The following SLC39A9 variants were observed in gnomAD, a reference collection of about 807,000 sequenced individuals.
SLC39A9 encodes the protein solute carrier family 39 member 9.
SLC39A9 carries 14 observed loss-of-function variants against 28.4 expected under a neutral mutation model. The observed-to-expected ratio is 0.49, with a 90% confidence interval of 0.33 to 0.77. SLC39A9 has a LOEUF of 0.77. Among genes scored for constraint, SLC39A9 ranks in the 30% least tolerant of loss-of-function variants. SLC39A9 has a pLI of 0.02. For missense variants in SLC39A9, 283 were observed against 381.1 expected (o/e 0.74, Z 2.14); for synonymous variants, 119 against 149.6 (o/e 0.80, Z 1.49).
chr14:69,443,664 G>A (rs1885151766), intron 3 of SLC39A9, among the ~76,000 whole-genome samples: 1 of 152,174 alleles, frequency 6.6e-6, no homozygotes, highest in Admixed American at 6.5e-5. Flanking sequence ...GAGTTCAGGA[G>A]TTTGAGACCA....
At chr14:69,445,377 T>C (rs1885245892) in intron 3 of SLC39A9, among the ~76,000 whole-genome samples, 1 of 152,238 alleles carries the variant, frequency 6.6e-6, no homozygotes, top group Admixed American at 6.5e-5. Context: ...CCACTTCCAC[T>C]TAATAGTAAA....
intron 3 of SLC39A9, among the ~76,000 whole-genome samples, chr14:69,444,342 A>G (rs1220114464): frequency 1.3e-5 from 2 of 152,192 alleles, no homozygotes; most frequent in African/African-American, 4.8e-5. Context: ...CGACAGAAAA[A>G]TCTGCAGAAA....
At chr14:69,405,420 C>T (rs1882860975) in intron 1 of SLC39A9, among the ~76,000 whole-genome samples, 1 of 152,008 alleles carries the variant, frequency 6.6e-6, no homozygotes, top group African/African-American at 2.4e-5. Flanking sequence ...TATGGTAATA[C>T]AAGAGATTTT....
chr14:69,461,258 C>G lies in SLC39A9; in HGVS notation c.*2665C>G, dbSNP rs1258435856. 3.0e-6 allele frequency: 3 copies of G among 989,988 alleles called. No individual in the cohort carries two copies. The highest frequency in any genetic ancestry group is 3.6e-6 in the Non-Finnish European group (3 of 833,034). The allele number at this position is 989,988 out of a possible 1,614,324, so 61.3% of individuals were successfully genotyped here. ...TTCCTTGGTAGGGATAGACTTTCTT[C>G]AGATTCCAAGTGCTCTCTTAAATGG... On this transcript the variant is annotated 3_prime_UTR_variant, in exon 7 of 7. Transcript: ENST00000336643.
At chr14:69,413,369 A>G (rs113446482) in intron 1 of SLC39A9, among the ~76,000 whole-genome samples, 1 of 151,840 alleles carries the variant, frequency 6.6e-6, no homozygotes, top group East Asian at 1.9e-4. Context: ...AAAAAAAAAA[A>G]TTTTTTTTCA....
chr14:69,423,416 G>A (rs907348635), intron 1 of SLC39A9, among the ~76,000 whole-genome samples: 2 of 152,072 alleles, frequency 1.3e-5, no homozygotes, highest in Non-Finnish European at 2.9e-5. Flanking sequence ...TCTTTCTTAG[G>A]ATGAATTTCT....
At chr14:69,448,524 C>T (rs1050267751) in intron 3 of SLC39A9, among the ~76,000 whole-genome samples, 2 of 151,964 alleles carry the variant, frequency 1.3e-5, no homozygotes, top group Non-Finnish European at 2.9e-5. Context: ...AGGACATACA[C>T]ACAAAAGTTT....
rs917873758 is a variant in SLC39A9, at chr14:69,399,394, C to T, written c.25C>T (p.Leu9=). The change falls in exon 1 of 7, where the codon CTG becomes TTG. Residue 9 remains leucine (L), a synonymous_variant. Transcript: ENST00000336643. MDDFISIS[L]LSLAMLVGCY... ...AATGGATGATTTCATCTCCATTAGC[C>T]TGCTGTCTCTGGCTATGTTGGTGGG... The T allele has an allele frequency of 3.1e-6, 5 of 1,613,976 alleles. No homozygotes were observed. Among genetic ancestry groups the T allele is most frequent in the Non-Finnish European group, 3.4e-6 (4 of 1,180,022 alleles).
chr14:69,399,364 G>A lies in SLC39A9; in HGVS notation c.-6G>A. ...TAGTGGTTGTGGGTGAATAAAGGAG[G>A]GCAGAATGGATGATTTCATCTCCAT... On this transcript the variant is annotated 5_prime_UTR_variant, in exon 1 of 7. Coordinates refer to ENST00000336643, the MANE Select transcript of SLC39A9 (RefSeq NM_018375.5). The A allele has an allele frequency of 1.2e-6, 2 of 1,613,328 alleles. No homozygotes were observed. Among genetic ancestry groups the A allele is most frequent in the Admixed American group, 1.7e-5 (1 of 59,970 alleles).
At chr14:69,439,939 C>T (rs1884960501) in intron 2 of SLC39A9, among the ~76,000 whole-genome samples, 1 of 152,076 alleles carries the variant, frequency 6.6e-6, no homozygotes, top group South Asian at 2.1e-4. Context: ...CCACAAAAGG[C>T]CCTGAAGCCG....
intron 3 of SLC39A9, among the ~76,000 whole-genome samples, chr14:69,448,237 CA>C (rs889854438): frequency 2.2e-4 from 27 of 123,064 alleles, no homozygotes; most frequent in South Asian, 2.6e-4. Context: ...AAAAAAAGCA[CA>C]AAAAAAAATT....
chr14:69,456,360 A>G (rs986001590), intron 6 of SLC39A9, among the ~76,000 whole-genome samples: 2 of 152,222 alleles, frequency 1.3e-5, no homozygotes, highest in African/African-American at 4.8e-5. Flanking sequence ...GCTCACTGAA[A>G]GAAGAGAAGG....
rs117486326 is a variant in SLC39A9 at position 69,447,773 on chromosome 14, C to T, written c.404-5468C>T. ...CAAAAAAATACAAAAATTAGCTGGT[C>T]GTGGTGACCTGCGCTTGTACTCCCA... On this transcript the variant is annotated intron_variant, in intron 3 of 6. Transcript: ENST00000336643. Among the ~76,000 whole-genome samples, 50 of 151,894 alleles carry T rather than the reference C, an allele frequency of 3.3e-4. No individual in the cohort carries two copies. In the East Asian group the frequency reaches 8.8e-3, roughly 27 times the overall value.
At chr14:69,413,418 T>C (rs1384412445) in intron 1 of SLC39A9, among the ~76,000 whole-genome samples, 1 of 152,148 alleles carries the variant, frequency 6.6e-6, no homozygotes, top group Non-Finnish European at 1.5e-5. Flanking sequence ...AATTTTGCCA[T>C]GTAAGGACAC....
At chr14:69,415,684 A>G (rs1162653480) in intron 1 of SLC39A9, among the ~76,000 whole-genome samples, 3 of 152,108 alleles carry the variant, frequency 2.0e-5, no homozygotes, top group African/African-American at 7.2e-5. Flanking sequence ...TATGGCAAGT[A>G]TTAATTGGTG....
chr14:69,399,613 A>G (rs1882507532), intron 1 of SLC39A9, 148 bp downstream of exon 1: 3 of 628,348 alleles, frequency 4.8e-6, no homozygotes, highest in Non-Finnish European at 8.4e-6. Context: ...CATGACACTT[A>G]ATAATAGAAA....
chr14:69,402,384 T>G (rs576601190), intron 1 of SLC39A9, among the ~76,000 whole-genome samples: 2 of 152,236 alleles, frequency 1.3e-5, no homozygotes, highest in Non-Finnish European at 2.9e-5. Flanking sequence ...ATTCATGTTT[T>G]TAATCTTGCT....
intron 2 of SLC39A9, among the ~76,000 whole-genome samples, chr14:69,436,426 G>A (rs1225855312): frequency 6.6e-6 from 1 of 152,156 alleles, no homozygotes; most frequent in Non-Finnish European, 1.5e-5. Context: ...ACTTTTGGTT[G>A]TATGCTGGAC....
At chr14:69,432,544 T>C (rs1594929792) in intron 2 of SLC39A9, among the ~76,000 whole-genome samples, 1 of 152,154 alleles carries the variant, frequency 6.6e-6, no homozygotes, top group Admixed American at 6.6e-5. Context: ...GTAGAGGCTG[T>C]TTAGTTTTAT....
Sources: gnomAD v4.1 joint callset for allele counts (sites outside exome capture counted in the v4.1 genomes callset) on GRCh38, gnomAD v4.1.1 for gene constraint, MANE v1.5 for transcripts, NCBI Gene and HGNC (gene_info 2026-07-23, HGNC 2026-07-21) for gene names.